Variants in SGCD observed in about 807,000 individuals in gnomAD.
SGCD encodes delta-sarcoglycan.
Under a neutral mutation model 36.6 loss-of-function variants are expected in SGCD, and 18 were observed. The ratio of observed to expected loss-of-function variants is 0.49; its 90% CI spans 0.34 to 0.73. The LOEUF is 0.73. Among genes scored for constraint, SGCD ranks in the 30% least tolerant of loss-of-function variants. SGCD has a pLI of 0.01. For missense variants in SGCD, 387 were observed against 346.7 expected, an observed-to-expected ratio of 1.12 and a Z score of -0.92; for synonymous variants, 133 against 130.6, an observed-to-expected ratio of 1.02 and a Z score of -0.12.
chr5:155,786,123 CA>C, the SGCD span, among the ~76,000 whole-genome samples: 1 of 152,086 alleles, frequency 6.6e-6, no homozygotes, highest in Non-Finnish European at 1.5e-5. Context: ...CTTTTTGGAA[CA>C]AAATTCAGTG....
chr5:156,331,304 A>G (rs1768057546), intron 2 of SGCD, among the ~76,000 whole-genome samples: 1 of 152,170 alleles, frequency 6.6e-6, no homozygotes, highest in African/African-American at 2.4e-5. Flanking sequence ...ATACAAAGGA[A>G]ACCATGTAAG....
rs576098371 is a variant in SGCD, at chr5:156,096,042, G to A, written c.-281-21836G>A. ...ACCAGTGAAACATAGAAGGCAGCCA[G>A]TGCCATGGCAGGAAGAGAAGGGACA... On this transcript the variant is annotated intron_variant, in intron 1 of 9. Transcript: ENST00000517913. Among the ~76,000 whole-genome samples the A allele has an allele frequency of 5.3e-5, 8 of 152,342 alleles. No homozygotes were observed. The South Asian group carries it at 1.7e-3, about 32-fold the overall frequency.
At chr5:156,708,407 T>G (rs964388565) in intron 7 of SGCD, among the ~76,000 whole-genome samples, 1 of 152,190 alleles carries the variant, frequency 6.6e-6, no homozygotes, top group Non-Finnish European at 1.5e-5. Context: ...ATTTTGGTTT[T>G]GGTCAAGGTG....
At chr5:156,500,417 A>G (rs963999031) in intron 3 of SGCD, among the ~76,000 whole-genome samples, 5 of 152,176 alleles carry the variant, frequency 3.3e-5, no homozygotes, top group Admixed American at 1.3e-4. Context: ...GATCCAAACC[A>G]AGTAATGCCT....
intron 3 of SGCD, among the ~76,000 whole-genome samples, chr5:156,461,388 A>T (rs1320673949): frequency 1.3e-5 from 2 of 152,148 alleles, no homozygotes; most frequent in African/African-American, 4.8e-5. Context: ...ACATTACCAG[A>T]AATTCTGGAA....
intron 7 of SGCD, among the ~76,000 whole-genome samples, chr5:156,677,358 C>T (rs182013438): frequency 1.1e-3 from 175 of 152,290 alleles, no homozygotes; most frequent in African/African-American, 3.8e-3. Flanking sequence ...GGTTCATGTC[C>T]TTTGCAGGGA....
chr5:155,757,734 G>T, the SGCD span, among the ~76,000 whole-genome samples: 4 of 152,286 alleles, frequency 2.6e-5, no homozygotes, highest in East Asian at 5.8e-4. Flanking sequence ...GTATGGACTT[G>T]CATGGCTTCC....
the SGCD span, among the ~76,000 whole-genome samples, chr5:155,747,061 C>T: frequency 6.6e-6 from 1 of 152,048 alleles, no homozygotes; most frequent in Admixed American, 6.6e-5. Flanking sequence ...CCACCCTGCT[C>T]ATGTCTGGCC....
intron 3 of SGCD, among the ~76,000 whole-genome samples, chr5:156,132,658 C>T (rs1339082694): frequency 6.6e-6 from 1 of 150,788 alleles, no homozygotes; most frequent in African/African-American, 2.4e-5. Flanking sequence ...TTAGTAGAGA[C>T]GGGGTTTCAC....
intron 3 of SGCD, among the ~76,000 whole-genome samples, chr5:156,175,649 C>T (rs2127624102): frequency 6.6e-6 from 1 of 152,206 alleles, no homozygotes; most frequent in Non-Finnish European, 1.5e-5. Context: ...TTTAATTTAT[C>T]TTTTGAAAAA....
At chr5:156,170,794 C>A (rs1763325926) in intron 3 of SGCD, among the ~76,000 whole-genome samples, 1 of 152,218 alleles carries the variant, frequency 6.6e-6, no homozygotes, top group Admixed American at 6.5e-5. Context: ...AAGTTCCAGG[C>A]TGTAATCACA....
At chr5:156,202,794 A>G (rs17053330) in intron 3 of SGCD, among the ~76,000 whole-genome samples, 35,391 of 147,718 alleles carry the variant, frequency 0.24, 4,654 homozygotes, top group East Asian at 0.59. Context: ...ACTGCAGTTT[A>G]AACCTGATTG....
At chr5:155,978,638 C>T (rs1047975749) in intron 1 of SGCD, among the ~76,000 whole-genome samples, 1 of 152,182 alleles carries the variant, frequency 6.6e-6, no homozygotes, top group African/African-American at 2.4e-5. Flanking sequence ...ACTTAGTCCT[C>T]GCCAGATATA....
chr5:156,017,284 G>T (rs1477932548), intron 1 of SGCD, among the ~76,000 whole-genome samples: 1 of 151,878 alleles, frequency 6.6e-6, no homozygotes, highest in Non-Finnish European at 1.5e-5. Context: ...TTTCATTTGT[G>T]TTCCAGCTTT....
the SGCD span, among the ~76,000 whole-genome samples, chr5:155,773,000 G>C: frequency 6.6e-6 from 1 of 152,232 alleles, no homozygotes. Context: ...TACGAAGTAA[G>C]TAAGCACTCT....
At chr5:156,076,817 GA>G (rs1436776586) in intron 1 of SGCD, among the ~76,000 whole-genome samples, 1 of 152,134 alleles carries the variant, frequency 6.6e-6, no homozygotes, top group African/African-American at 2.4e-5. Flanking sequence ...GCTCCCAAAT[GA>G]ACATTTGCTA....
intron 1 of SGCD, among the ~76,000 whole-genome samples, chr5:156,049,210 C>G (rs1289804779): frequency 1.4e-5 from 2 of 146,386 alleles, no homozygotes; most frequent in South Asian, 2.2e-4. Context: ...CAGTACCATG[C>G]TGTTTTGGTT....
intron 1 of SGCD, among the ~76,000 whole-genome samples, chr5:155,994,419 C>T (rs1018452549): frequency 1.3e-5 from 2 of 152,102 alleles, no homozygotes; most frequent in Non-Finnish European, 2.9e-5. Flanking sequence ...TATATTTCAC[C>T]TCTCCTAGGA....
intron 3 of SGCD, among the ~76,000 whole-genome samples, chr5:156,134,697 G>T (rs1312597041): frequency 6.7e-6 from 1 of 150,068 alleles, no homozygotes; most frequent in African/African-American, 2.5e-5. Flanking sequence ...GCCTGTCGTG[G>T]GGTTGGGGGA....
Sources: allele counts gnomAD v4.1 joint callset (sites outside exome capture counted in the v4.1 genomes callset), GRCh38; gene constraint gnomAD v4.1.1; transcripts MANE v1.5; gene names NCBI Gene and HGNC (gene_info 2026-07-23, HGNC 2026-07-21).